ABCA12: variants seen among roughly 807,000 people sequenced by gnomAD.
ABCA12 encodes the protein ATP binding cassette subfamily A member 12, also known as glucosylceramide transporter ABCA12.
A neutral mutation model predicts 293.5 loss-of-function variants in ABCA12; 156 were observed. That is an observed-to-expected ratio of 0.53 (90% CI 0.47 to 0.61). ABCA12 has a LOEUF of 0.61. Ranked by LOEUF, ABCA12 falls within the 20% of genes least tolerant of loss-of-function variation. The probability of loss-of-function intolerance (pLI) is 0.00; values close to 1 mark genes in which losing one functional copy is unlikely to be tolerated. For missense variants in ABCA12, 2,797 were observed against 3,090.2 expected, an observed-to-expected ratio of 0.91 and a Z score of 2.25; for synonymous variants, 1,063 against 1,108.0, an observed-to-expected ratio of 0.96 and a Z score of 0.81.
intron 3 of ABCA12, among the ~76,000 whole-genome samples, chr2:215,058,403 T>G (rs1157848902): frequency 6.6e-6 from 1 of 152,002 alleles, no homozygotes; most frequent in Non-Finnish European, 1.5e-5. Context: ...AATGGAATTA[T>G]TCAACTCATC....
intron 7 of ABCA12, among the ~76,000 whole-genome samples, chr2:215,039,477 C>T (rs1045771397): frequency 1.2e-4 from 18 of 152,042 alleles, no homozygotes; most frequent in Non-Finnish European, 2.2e-4. Flanking sequence ...AAGTAAAGGC[C>T]GGGCGCAGTG....
At chr2:214,960,411 T>G (rs1699079459) in intron 39 of ABCA12, 1 of 152,094 alleles carries the variant, frequency 6.6e-6, no homozygotes, top group Non-Finnish European at 1.5e-5. Flanking sequence ...AATACTCTAT[T>G]TCACCAGAGG....
At chr2:215,006,813 T>A (rs1037384989) in intron 19 of ABCA12, among the ~76,000 whole-genome samples, 2 of 151,590 alleles carry the variant, frequency 1.3e-5, no homozygotes, top group African/African-American at 2.4e-5. Flanking sequence ...TGCCAATATC[T>A]CTGTGATTGG....
chr2:215,004,411 TG>T, intron 19 of ABCA12, 112 bp from the exon 20 acceptor site: 1 of 744,762 alleles, frequency 1.3e-6, no homozygotes, highest in South Asian at 1.5e-5. Flanking sequence ...GCATTATCAA[TG>T]CACTGTCTTG....
chr2:215,040,139 A>G (rs1701069030), intron 7 of ABCA12, among the ~76,000 whole-genome samples: 1 of 152,194 alleles, frequency 6.6e-6, no homozygotes, highest in South Asian at 2.1e-4. Flanking sequence ...TAGGCACACT[A>G]GCACATTTCA....
At position 215,052,622 on chromosome 2, in the gene ABCA12, C is replaced by CAT. The variant is rs747201592; in HGVS notation, c.410-39_410-38insAT. The CAT allele has an allele frequency of 2.0e-6, 3 of 1,508,122 alleles. No individual in the cohort carries two copies. The African/African-American group carries it at 4.1e-5, about 21-fold the overall frequency. 93.4% of individuals were successfully genotyped at this position (1,508,122 alleles called of 1,614,324 possible). On this transcript the variant is annotated intron_variant, in intron 4 of 52. Coordinates refer to ENST00000272895, the MANE Select transcript of ABCA12 (RefSeq NM_173076.3). ...AAGGAACAGATTAGCATTCCACACA[C>CAT]ACACACACAAATGCACAGGACCACA...
At chr2:215,071,545 A>G (rs1701738780) in intron 2 of ABCA12, among the ~76,000 whole-genome samples, 1 of 152,204 alleles carries the variant, frequency 6.6e-6, no homozygotes, top group Non-Finnish European at 1.5e-5. Context: ...AGAATTTGAA[A>G]AACAGGTACA....
At chr2:214,934,641 AC>A (rs1698163501) in intron 51 of ABCA12, among the ~76,000 whole-genome samples, 1 of 152,186 alleles carries the variant, frequency 6.6e-6, no homozygotes, top group Admixed American at 6.5e-5. Flanking sequence ...TTGGCTAAAG[AC>A]AGTAGACTTC....
At chr2:214,940,926 A>G (rs1698379836) in intron 50 of ABCA12, among the ~76,000 whole-genome samples, 2 of 151,918 alleles carry the variant, frequency 1.3e-5, no homozygotes, top group African/African-American at 4.8e-5. Flanking sequence ...TCCTGGATTC[A>G]TTGATTTTTT....
intron 28 of ABCA12, 93 bp from the exon 29 acceptor site, chr2:214,983,958 A>G (rs1022079269): frequency 1.1e-6 from 1 of 928,578 alleles, no homozygotes; most frequent in Non-Finnish European, 1.7e-6. Context: ...AGGAAAAAAT[A>G]CAGTGTATCT....
chr2:215,137,490 G>A (rs532886124), intron 1 of ABCA12, among the ~76,000 whole-genome samples: 59 of 152,144 alleles, frequency 3.9e-4, no homozygotes, highest in African/African-American at 1.2e-3. Context: ...TAATTAGAAC[G>A]CAAACATTAA....
intron 6 of ABCA12, among the ~76,000 whole-genome samples, chr2:215,049,073 T>G (rs1701264550): frequency 6.6e-6 from 1 of 152,102 alleles, no homozygotes; most frequent in Non-Finnish European, 1.5e-5. Context: ...AGTACCTCGG[T>G]GACAGAATAA....
Position 215,025,722 on chromosome 2 carries a change from C to T in ABCA12, c.1238G>A (p.Gly413Asp), listed in dbSNP as rs143862919. 11 of 1,611,092 alleles carry T rather than the reference C, an allele frequency of 6.8e-6. No homozygotes were observed. Among genetic ancestry groups the T allele is most frequent in the African/African-American group, 4.0e-5 (3 of 74,366 alleles). ...IRFKKSFLRN[G>D]SYEDYFPPVP... ...TGGAGGAAAGTAATCTTCATAGGAA[C>T]CATTGCGAAGAAAAGATTTTTTAAA... is the stretch of plus-strand genomic sequence containing the variant. The change falls in exon 11 of 53, where the codon GGT becomes GAT. Residue 413 changes from glycine to aspartate, a missense_variant. Around this residue, in one of 3 missense-constraint regions of ABCA12, gnomAD observed 656 missense variants for 638.2 expected, o/e 1.03. Coordinates refer to ENST00000272895, the MANE Select transcript of ABCA12 (RefSeq NM_173076.3).
At chr2:214,954,139 T>G (rs775516387) in intron 43 of ABCA12, 32 bp from the exon 44 acceptor site, 4 of 1,608,776 alleles carry the variant, frequency 2.5e-6, no homozygotes, top group Non-Finnish European at 3.4e-6. Flanking sequence ...TAAAACTCAG[T>G]GTTAAGTTTC....
intron 26 of ABCA12, 69 bp from the exon 27 acceptor site, chr2:214,987,862 C>T (rs541139165): frequency 3.2e-6 from 5 of 1,560,448 alleles, no homozygotes; most frequent in African/African-American, 1.4e-5. Context: ...AGAAACAAAA[C>T]AGTAGATCCT....
intron 11 of ABCA12, among the ~76,000 whole-genome samples, chr2:215,025,136 G>A (rs553227843): frequency 2.0e-5 from 3 of 151,738 alleles, no homozygotes; most frequent in South Asian, 2.1e-4. Context: ...TTATTATTAC[G>A]AATCCTTTTT....
At chr2:214,934,338 A>T (rs995697746) in intron 51 of ABCA12, 123 bp from the exon 52 acceptor site, 1 of 1,090,646 alleles carries the variant, frequency 9.2e-7, no homozygotes, top group East Asian at 2.4e-5. Flanking sequence ...ATGATGCTAC[A>T]GTATAAATAA....
At chr2:215,049,994 A>G (rs1158752793) in intron 5 of ABCA12, among the ~76,000 whole-genome samples, 183 bp from the exon 6 acceptor site, 1 of 152,188 alleles carries the variant, frequency 6.6e-6, no homozygotes, top group Non-Finnish European at 1.5e-5. Flanking sequence ...GAGCGAATGC[A>G]TGAATGTGGT....
chr2:215,074,211 T>C (rs1701791769), intron 2 of ABCA12, among the ~76,000 whole-genome samples: 1 of 152,188 alleles, frequency 6.6e-6, no homozygotes, highest in Non-Finnish European at 1.5e-5. Context: ...GAAAAGTTGT[T>C]TTTCCCCCTC....
Sources: allele counts gnomAD v4.1 joint callset (sites outside exome capture counted in the v4.1 genomes callset), GRCh38; gene constraint gnomAD v4.1.1; regional missense constraint gnomAD v4.1.1; transcripts MANE v1.5; gene names NCBI Gene and HGNC (gene_info 2026-07-23, HGNC 2026-07-21).